SMC5: variants seen among roughly 807,000 people sequenced by gnomAD.
SMC5 encodes the protein structural maintenance of chromosomes protein 5.
In SMC5, 88 loss-of-function variants were observed where a neutral mutation model predicts 148.3. That is an observed-to-expected ratio of 0.59 (90% CI 0.50 to 0.71). SMC5 has a LOEUF of 0.71. Ranked by LOEUF, SMC5 falls within the 30% of genes least tolerant of loss-of-function variation. The probability of loss-of-function intolerance (pLI) is 0.00; values close to 1 mark genes in which losing one functional copy is unlikely to be tolerated. For missense variants in SMC5, 1,142 were observed against 1,298.9 expected (o/e 0.88, Z 1.86); for synonymous variants, 421 against 432.8 (o/e 0.97, Z 0.34).
intron 17 of SMC5, among the ~76,000 whole-genome samples, chr9:70,334,633 A>ATGTG (rs746540507): frequency 5.9e-5 from 9 of 151,614 alleles, no homozygotes; most frequent in Non-Finnish European, 1.2e-4. Flanking sequence ...GAGTGTGTGT[A>ATGTG]TGTGTGTGTG....
chr9:70,309,318 C>CTTTTTTTTTTTTTTTTTTTTTT (rs59694037), intron 11 of SMC5, among the ~76,000 whole-genome samples: 1 of 79,180 alleles, frequency 1.3e-5, no homozygotes, highest in Non-Finnish European at 2.3e-5. Context: ...TTTCCTTTTC[C>CTTTTTTTTTTTTTTTTTTTTTT]TTTTTTTTTT....
chr9:70,271,158 A>G (rs543599530), intron 3 of SMC5, among the ~76,000 whole-genome samples: 24 of 8,262 alleles, frequency 2.9e-3, no homozygotes, highest in Middle Eastern at 0.071. Context: ...ATTTTGGAGC[A>G]TTTTGGATTT....
Position 70,344,285 on chromosome 9 carries a change from A to G in SMC5, c.2523+16A>G. 7.1e-7 allele frequency: 1 copy of G among 1,417,974 alleles called. No homozygotes were observed. Among genetic ancestry groups the G allele is most frequent in the Non-Finnish European group, 9.3e-7 (1 of 1,077,756 alleles). 87.8% of individuals were successfully genotyped at this position (1,417,974 alleles called of 1,614,324 possible). On this transcript the variant is annotated intron_variant, in intron 18 of 24. Coordinates refer to ENST00000361138, the MANE Select transcript of SMC5 (RefSeq NM_015110.4). ...ATACCAGACAGTAAGTATAAAAAGT[A>G]TATAATGCTACAATTGCCATATTTA... is the stretch of plus-strand genomic sequence containing the variant.
At position 70,298,139 on chromosome 9, in the gene SMC5, G is replaced by C; in HGVS notation, c.1227G>C (p.Arg409=). The C allele has an allele frequency of 6.2e-7, 1 of 1,614,028 alleles. No individual in the cohort carries two copies. Among genetic ancestry groups the C allele is most frequent in the Non-Finnish European group, 8.5e-7 (1 of 1,179,944 alleles). Residue 409 remains arginine, a synonymous_variant, in exon 9 of 25, where the codon CGG becomes CGC. Coordinates refer to ENST00000361138, the MANE Select transcript of SMC5 (RefSeq NM_015110.4). ...QIDAITNDLR[R]IQDEKALCEG... is the part of the protein sequence containing the mutation. ...ATGCCATTACAAATGATCTGAGACG[G>C]ATTCAGGATGAAAAGGCATTATGTG...
chr9:70,286,717 CTTT>C (rs34919823), intron 8 of SMC5: 12 of 117,450 alleles, frequency 1.0e-4, no homozygotes, highest in South Asian at 2.8e-4. Flanking sequence ...AACTTTTCGT[CTTT>C]TTTTTTTTTT....
At chr9:70,289,889 A>G (rs1329367359) in intron 8 of SMC5, among the ~76,000 whole-genome samples, 1 of 151,064 alleles carries the variant, frequency 6.6e-6, no homozygotes, top group East Asian at 1.9e-4. Context: ...TATTATTATT[A>G]TTATTATTAT....
intron 15 of SMC5, among the ~76,000 whole-genome samples, chr9:70,319,375 T>C (rs1016735651): frequency 1.3e-5 from 2 of 152,318 alleles, no homozygotes. Flanking sequence ...AAAAATGTAT[T>C]AAAAATAGCT....
At chr9:70,328,759 A>G (rs2036149445) in intron 17 of SMC5, among the ~76,000 whole-genome samples, 1 of 152,208 alleles carries the variant, frequency 6.6e-6, no homozygotes. Flanking sequence ...TAGGGCCTGC[A>G]ACCCCACATT....
intron 8 of SMC5, chr9:70,286,615 T>C (rs2034909270): frequency 5.6e-6 from 1 of 178,258 alleles, no homozygotes; most frequent in Admixed American, 6.3e-5. Context: ...ACCTTTTATT[T>C]TGAAAAATCA....
Position 70,353,495 on chromosome 9 carries a change from G to C in SMC5, c.*1164G>C, listed in dbSNP as rs1341757533. ...ATAGACAGTCCAAAGTCATGTCTTT[G>C]AACAGTGGATTGGATCTGTGCCAGT... On this transcript the variant is annotated 3_prime_UTR_variant, in exon 25 of 25. Coordinates refer to ENST00000361138, the MANE Select transcript of SMC5 (RefSeq NM_015110.4). 1.3e-5 allele frequency: 2 copies of C among 152,176 alleles called. No individual in the cohort carries two copies. The highest frequency in any genetic ancestry group is 2.9e-5 in the Non-Finnish European group (2 of 68,018). The allele number at this position is 152,176 out of a possible 1,614,324, so 9.4% of individuals were successfully genotyped here.
chr9:70,300,325 A>C (rs1406751323), intron 10 of SMC5, 125 bp downstream of exon 10: 12 of 787,850 alleles, frequency 1.5e-5, no homozygotes, highest in Non-Finnish European at 1.9e-5. Flanking sequence ...CATCTGGCAT[A>C]CTGCTGAATC....
At chr9:70,323,422 G>A in intron 15 of SMC5, 61 bp from the exon 16 acceptor site, 1 of 1,494,678 alleles carries the variant, frequency 6.7e-7, no homozygotes, top group Non-Finnish European at 8.9e-7. Flanking sequence ...GGGGACCTAA[G>A]AATTTGGGAT....
At position 70,298,042 on chromosome 9, in the gene SMC5, G is replaced by T. The variant is rs765120179; in HGVS notation, c.1130G>T (p.Arg377Leu). Residue 377 changes from arginine (R) to leucine (L), a missense_variant, in exon 9 of 25, where the codon CGC (arginine) becomes CTC (leucine). Arg to Leu is a moderately radical substitution (Grantham distance 102). Transcript: ENST00000361138. ...LDRQRRIGNT[R>L]KMIEDLQNEL... ...CGACAGAGGAGAATAGGTAATACCC[G>T]CAAAATGATAGAGGATTTGCAAAAT... The T allele has an allele frequency of 6.2e-7, 1 of 1,613,926 alleles. No homozygotes were observed. The highest frequency in any genetic ancestry group is 2.2e-5 in the East Asian group (1 of 44,852).
intron 15 of SMC5, among the ~76,000 whole-genome samples, 184 bp from the exon 16 acceptor site, chr9:70,323,299 C>T (rs2035994265): frequency 6.6e-6 from 1 of 152,186 alleles, no homozygotes; most frequent in Non-Finnish European, 1.5e-5. Flanking sequence ...AGGGAAGTGA[C>T]TGTTTTATAA....
At chr9:70,266,259 G>A (rs1041391138) in intron 2 of SMC5, among the ~76,000 whole-genome samples, 18 of 152,120 alleles carry the variant, frequency 1.2e-4, no homozygotes, top group Non-Finnish European at 2.6e-4. Context: ...ATGTGTGTGT[G>A]TGTGTTTAGT....
intron 1 of SMC5, 85 bp downstream of exon 1, chr9:70,259,348 G>GTGTGGGTGTGTACCTGGCT: frequency 7.2e-7 from 1 of 1,384,330 alleles, no homozygotes; most frequent in African/African-American, 1.5e-5. Flanking sequence ...GGGCGTGGGC[G>GTGTGGGTGTGTACCTGGCT]TGTGGGTGTG....
chr9:70,278,702 G>A, intron 5 of SMC5, 77 bp downstream of exon 5: 6 of 1,394,596 alleles, frequency 4.3e-6, no homozygotes, highest in Non-Finnish European at 5.8e-6. Flanking sequence ...GAGAGTAGTA[G>A]TATTGATTCA....
chr9:70,344,352 G>C, intron 18 of SMC5, 83 bp downstream of exon 18: 1 of 1,074,302 alleles, frequency 9.3e-7, no homozygotes, highest in Non-Finnish European at 1.2e-6. Context: ...GTAACAGGCC[G>C]TGAAAAACAT....
In SMC5 at chr9:70,318,357, C is replaced by G. The variant is rs183339561; in HGVS notation, c.1807-157C>G. Among the ~76,000 whole-genome samples the G allele has an allele frequency of 1.1e-3, 170 of 151,562 alleles. 1 individual carries two copies. The highest frequency in any genetic ancestry group is 3.9e-3 in the African/African-American group (159 of 41,294). ...AAGCTGAGTTCGTGCCACTGCATTC[C>G]AGCCTGGGTGACAGAGTGAGACCCT... On this transcript the variant is annotated intron_variant, in intron 13 of 24. Transcript: ENST00000361138.
Sources: allele counts gnomAD v4.1 joint callset (sites outside exome capture counted in the v4.1 genomes callset), GRCh38; gene constraint gnomAD v4.1.1; transcripts MANE v1.5; gene names NCBI Gene and HGNC (gene_info 2026-07-23, HGNC 2026-07-21).